RAB11FIP3: variants seen among roughly 807,000 people sequenced by gnomAD.
RAB11FIP3 encodes the protein RAB11 family interacting protein 3, also known as rab11 family-interacting protein 3.
A neutral mutation model predicts 77.8 loss-of-function variants in RAB11FIP3; 17 were observed. That is an observed-to-expected ratio of 0.22 (90% CI 0.15 to 0.33). The LOEUF is 0.33. Ranked by LOEUF, RAB11FIP3 falls within the 10% of genes least tolerant of loss-of-function variation. RAB11FIP3 has a pLI of 1.00. For synonymous variants in RAB11FIP3, 437 were observed against 448.2 expected (o/e 0.98, Z 0.31); for missense variants, 1,005 against 1,011.2 (o/e 0.99, Z 0.08).
rs1234943168 is a variant in RAB11FIP3 at position 507,638 on chromosome 16, G to A, written c.1499+2011G>A. On this transcript the variant is annotated intron_variant, in intron 8 of 13. Coordinates refer to ENST00000262305, the MANE Select transcript of RAB11FIP3 (RefSeq NM_014700.4). This position sits in a 1 kb window ranked among gnomAD's most constrained non-coding sequence, Gnocchi z 4.6. ...GTGTGTGTGGTGTGAAGTCCACACT[G>A]CCGCCTGGCACCACCCACTGACCGT... Among the ~76,000 whole-genome samples the A allele has an allele frequency of 6.6e-6, 1 of 152,230 alleles. No homozygotes were observed. Among genetic ancestry groups the A allele is most frequent in the Non-Finnish European group, 1.5e-5 (1 of 68,038 alleles).
At chr16:519,672 T>C (rs1052109082) in intron 10 of RAB11FIP3, 82 bp from the exon 11 acceptor site, 60 of 1,541,454 alleles carry the variant, frequency 3.9e-5, no homozygotes, top group Non-Finnish European at 4.9e-5. Context: ...GACTCAGAGA[T>C]TGGAGGGACA....
chr16:492,409 G>C, intron 5 of RAB11FIP3, among the ~76,000 whole-genome samples: 2 of 143,930 alleles, frequency 1.4e-5, no homozygotes, highest in Admixed American at 6.9e-5. Context: ...GGAGACCCGA[G>C]GCCGCCCAGG....
At chr16:501,199 A>G (rs1293024278) in intron 6 of RAB11FIP3, among the ~76,000 whole-genome samples, 2 of 152,248 alleles carry the variant, frequency 1.3e-5, no homozygotes, top group African/African-American at 4.8e-5. Flanking sequence ...AAAAATATTA[A>G]CATTTTATGG....
intron 8 of RAB11FIP3, chr16:510,358 C>A (rs973145298): frequency 3.6e-5 from 12 of 334,576 alleles, no homozygotes; most frequent in African/African-American, 2.1e-4. Flanking sequence ...CGGGCTCAGG[C>A]CCTCTGAGTG....
chr16:515,221 T>G (rs1406341398), intron 9 of RAB11FIP3, among the ~76,000 whole-genome samples: 3 of 152,214 alleles, frequency 2.0e-5, no homozygotes, highest in Admixed American at 6.5e-5. Context: ...TTCAATAGAA[T>G]TAAAACATAA....
rs148105699 is a variant in RAB11FIP3 at position 433,570 on chromosome 16, C to T, written c.714+6850C>T. Among the ~76,000 whole-genome samples the T allele has an allele frequency of 3.6e-3, 541 of 151,714 alleles. 1 individual carries two copies. Among genetic ancestry groups the T allele is most frequent in the Non-Finnish European group, 5.7e-3 (384 of 67,892 alleles). The stretch of plus-strand genomic sequence containing the variant: ...TACGTGGCCAAATAGTACTCCAGGC[C>T]GGATGCGGTGGCTCACGCCTGTAAT... On this transcript the variant is annotated intron_variant, in intron 1 of 13. Transcript: ENST00000262305.
chr16:477,462 C>T (rs1310528188), intron 3 of RAB11FIP3, among the ~76,000 whole-genome samples: 3 of 152,166 alleles, frequency 2.0e-5, no homozygotes, highest in Admixed American at 1.3e-4. Context: ...CGGACCTGTG[C>T]GCTGGGCTTC....
chr16:477,690 G>A, intron 3 of RAB11FIP3: 1 of 985,026 alleles, frequency 1.0e-6, no homozygotes, highest in Non-Finnish European at 1.2e-6. Context: ...TTCTTACAGT[G>A]CTCTCCTGGT....
Position 520,585 on chromosome 16 carries a change from G to A in RAB11FIP3, c.2143G>A (p.Val715Ile), listed in dbSNP as rs201070430. ...GTCCCTGGCTGCAGAGATCAGCTCC[G>A]TCTCCCGAGATGAGGTAACACATCC... is the stretch of plus-strand genomic sequence containing the variant. The part of the protein sequence containing the change: ...SESLAAEISS[V>I]SRDELMEAIQ... Residue 715 changes from valine (V) to isoleucine (I), a missense_variant, in exon 13 of 14, where the codon GTC becomes ATC. Val to Ile is a conservative substitution (Grantham distance 29). Transcript: ENST00000262305. 60 of 1,613,426 alleles carry A rather than the reference G, an allele frequency of 3.7e-5. No individual in the cohort carries two copies. The highest frequency in any genetic ancestry group is 1.8e-4 in the Admixed American group (11 of 60,020).
At position 520,896 on chromosome 16, in the gene RAB11FIP3, C is replaced by G; in HGVS notation, c.*57C>G. The G allele has an allele frequency of 1.4e-6, 2 of 1,429,564 alleles. No homozygotes were observed. The highest frequency in any genetic ancestry group is 2.3e-5 in the South Asian group (2 of 87,136). The allele number at this position is 1,429,564 out of a possible 1,614,324, so 88.6% of individuals were successfully genotyped here. A position where few individuals can be genotyped will look rare whatever the true frequency, so the allele number is the denominator to read the frequency against. ...GGACTCCAACACCCTGGAGTGGTTC[C>G]GTCAGACCATGAGGAGCCAAGACCA... On this transcript the variant is annotated 3_prime_UTR_variant, in exon 14 of 14. Transcript: ENST00000262305.
At chr16:519,251 G>A (rs1030741706) in intron 10 of RAB11FIP3, 4 of 566,092 alleles carry the variant, frequency 7.1e-6, no homozygotes, top group African/African-American at 5.6e-5. Context: ...TCTGAATCTG[G>A]GAATTGTCCT....
Position 426,847 on chromosome 16 carries a change from C to G in RAB11FIP3, c.714+127C>G. ...GCACTGTCAAGACCTGACGGTCCTG[C>G]TTTTTCTGCTTATTCACCACTTCGG... On this transcript the variant is annotated intron_variant, in intron 1 of 13. Transcript: ENST00000262305. This position sits in a 1 kb window ranked among gnomAD's most constrained non-coding sequence, Gnocchi z 5.0. 1 of 639,672 alleles carries G rather than the reference C, an allele frequency of 1.6e-6. No individual in the cohort carries two copies. Among genetic ancestry groups the G allele is most frequent in the Non-Finnish European group, 2.4e-6 (1 of 410,642 alleles). The allele number at this position is 639,672 out of a possible 1,614,324, so 39.6% of individuals were successfully genotyped here. A position where few individuals can be genotyped will look rare whatever the true frequency, so the allele number is the denominator to read the frequency against.
intron 9 of RAB11FIP3, among the ~76,000 whole-genome samples, chr16:512,013 A>G (rs2032201602): frequency 6.9e-6 from 1 of 144,146 alleles, no homozygotes; most frequent in African/African-American, 2.5e-5. Context: ...CAGGCCAGGC[A>G]GGAGAGGTTC....
chr16:492,304 A>G (rs1227776484), intron 5 of RAB11FIP3, among the ~76,000 whole-genome samples: 1 of 141,356 alleles, frequency 7.1e-6, no homozygotes, highest in Non-Finnish European at 1.5e-5. Context: ...GCCATTCTGG[A>G]GCATCGGGGG....
intron 1 of RAB11FIP3, among the ~76,000 whole-genome samples, chr16:459,824 G>C (rs1432455414): frequency 6.7e-6 from 1 of 149,464 alleles, no homozygotes; most frequent in African/African-American, 2.5e-5. Context: ...CATATTTTCT[G>C]ATGAAATTTC....
At chr16:497,411 C>A in intron 6 of RAB11FIP3, 1 of 1,263,878 alleles carries the variant, frequency 7.9e-7, no homozygotes, top group South Asian at 1.3e-5. Context: ...CAGGGAGCCA[C>A]TCAGTGTGGC....
chr16:481,859 C>T (rs1374425507), intron 3 of RAB11FIP3, among the ~76,000 whole-genome samples: 1 of 82,714 alleles, frequency 1.2e-5, no homozygotes, highest in African/African-American at 3.9e-5. Context: ...CAAGCTCCTC[C>T]GTCAGTCTCT....
chr16:476,726 G>A (rs549596785), intron 3 of RAB11FIP3, among the ~76,000 whole-genome samples: 108 of 148,840 alleles, frequency 7.3e-4, no homozygotes, highest in Middle Eastern at 3.5e-3. Flanking sequence ...GCAGTGAGCC[G>A]AGATTGCGCC....
chr16:449,379 G>C (rs1355909288), intron 1 of RAB11FIP3, among the ~76,000 whole-genome samples: 1 of 152,166 alleles, frequency 6.6e-6, no homozygotes, highest in African/African-American at 2.4e-5. Flanking sequence ...TGCCAGAAAT[G>C]GTTCTTAGGT....
Sources: gnomAD v4.1 joint callset for allele counts (sites outside exome capture counted in the v4.1 genomes callset) on GRCh38, gnomAD v4.1.1 for gene constraint, Gnocchi (gnomAD v3.1) non-coding constraint, MANE v1.5 for transcripts, NCBI Gene and HGNC (gene_info 2026-07-23, HGNC 2026-07-21) for gene names.